Variants in SLC25A21 observed in about 807,000 individuals in gnomAD.
SLC25A21 encodes solute carrier family 25 member 21.
In SLC25A21, 47 loss-of-function variants were observed where a neutral mutation model predicts 43.8. The observed-to-expected ratio is 1.07, with a 90% confidence interval of 0.85 to 1.37. The LOEUF is 1.37. SLC25A21 is among the 40% of genes most tolerant of loss of function. The pLI is 0.00. For missense variants in SLC25A21, 352 were observed against 350.2 expected, an observed-to-expected ratio of 1.00 and a Z score of -0.04; for synonymous variants, 131 against 121.3, an observed-to-expected ratio of 1.08 and a Z score of -0.52.
In SLC25A21 at chr14:36,966,895, A is replaced by G. The variant is rs112838240; in HGVS notation, c.71-91891T>C. Among the ~76,000 whole-genome samples, 375 of 152,216 alleles carry G rather than the reference A, an allele frequency of 2.5e-3. 1 individual carries two copies. Among genetic ancestry groups the G allele is most frequent in the Non-Finnish European group, 4.6e-3 (311 of 68,022 alleles). The stretch of plus-strand genomic sequence containing the variant: ...GAAGGGATTCTACAGGGAATGAAAA[A>G]TCTCTGAATTAGGCAGCAAAAGGAA... On this transcript the variant is annotated intron_variant, in intron 1 of 9. Transcript: ENST00000331299.
intron 1 of SLC25A21, among the ~76,000 whole-genome samples, chr14:36,875,463 A>T (rs712386): frequency 0.86 from 130,705 of 152,144 alleles, 56,834 homozygotes; most frequent in Non-Finnish European, 0.93. Context: ...GAAACAAAGA[A>T]AATGATGCCT....
At chr14:37,109,513 C>G (rs1161639236) in intron 1 of SLC25A21, among the ~76,000 whole-genome samples, 3 of 152,108 alleles carry the variant, frequency 2.0e-5, no homozygotes, top group African/African-American at 7.2e-5. Context: ...TCATGAGAAT[C>G]TGAAATACAA....
At chr14:36,893,899 A>C (rs1159557791) in intron 1 of SLC25A21, among the ~76,000 whole-genome samples, 1 of 152,052 alleles carries the variant, frequency 6.6e-6, no homozygotes, top group Non-Finnish European at 1.5e-5. Flanking sequence ...ATTGGTATAT[A>C]TCTCTGTTTT....
chr14:36,805,149 C>G (rs776112858), intron 3 of SLC25A21, among the ~76,000 whole-genome samples: 11 of 152,178 alleles, frequency 7.2e-5, no homozygotes, highest in Admixed American at 3.3e-4. Flanking sequence ...CTTGTCAGCA[C>G]CACACGCTGA....
At chr14:36,820,090 T>C (rs1250997032) in intron 2 of SLC25A21, among the ~76,000 whole-genome samples, 1 of 152,076 alleles carries the variant, frequency 6.6e-6, no homozygotes, top group East Asian at 1.9e-4. Flanking sequence ...GGGAAGCCAT[T>C]CCAAGCCACC....
At chr14:36,940,549 C>T (rs1413565645) in intron 1 of SLC25A21, among the ~76,000 whole-genome samples, 5 of 151,940 alleles carry the variant, frequency 3.3e-5, no homozygotes, top group Non-Finnish European at 5.9e-5. Context: ...CCTTTAATTG[C>T]CATATATAGT....
intron 3 of SLC25A21, among the ~76,000 whole-genome samples, chr14:36,793,612 G>A (rs1887569398): frequency 6.6e-6 from 1 of 151,366 alleles, no homozygotes; most frequent in Non-Finnish European, 1.5e-5. Flanking sequence ...GAGTTAAGGA[G>A]GACAAGCACA....
At chr14:36,897,977 G>C (rs1891291965) in intron 1 of SLC25A21, among the ~76,000 whole-genome samples, 2 of 152,190 alleles carry the variant, frequency 1.3e-5, no homozygotes, top group African/African-American at 4.8e-5. Context: ...GCTACTTTGG[G>C]GTCAGGGACC....
chr14:37,064,368 A>G (rs1489417532), intron 1 of SLC25A21, among the ~76,000 whole-genome samples: 2 of 151,846 alleles, frequency 1.3e-5, no homozygotes, highest in Non-Finnish European at 2.9e-5. Context: ...CTATCGTGGG[A>G]CTTCTCAGCC....
At chr14:37,008,744 G>A (rs1032652061) in intron 1 of SLC25A21, among the ~76,000 whole-genome samples, 1 of 151,380 alleles carries the variant, frequency 6.6e-6, no homozygotes, top group South Asian at 2.1e-4. Context: ...CTGATTTTTT[G>A]TTCCTTTTTA....
At chr14:36,706,229 A>G (rs1265844280) in intron 7 of SLC25A21, among the ~76,000 whole-genome samples, 1 of 152,184 alleles carries the variant, frequency 6.6e-6, no homozygotes, top group Non-Finnish European at 1.5e-5. Flanking sequence ...TCATCACATC[A>G]TCGGGACCAT....
chr14:36,797,140 T>C (rs1291415902), intron 3 of SLC25A21, among the ~76,000 whole-genome samples: 1 of 152,210 alleles, frequency 6.6e-6, no homozygotes, highest in Non-Finnish European at 1.5e-5. Flanking sequence ...ATATTAGTGG[T>C]AATTATAACT....
intron 1 of SLC25A21, among the ~76,000 whole-genome samples, chr14:36,969,078 T>C (rs1364099580): frequency 6.6e-6 from 1 of 152,360 alleles, no homozygotes; most frequent in East Asian, 1.9e-4. Flanking sequence ...ATAAGCACTT[T>C]GGAAATTAAT....
chr14:36,682,852 A>T (rs1351350504), intron 9 of SLC25A21, among the ~76,000 whole-genome samples: 2 of 152,176 alleles, frequency 1.3e-5, no homozygotes, highest in African/African-American at 2.4e-5. Flanking sequence ...AAATATATGA[A>T]AGTGTGAGCT....
chr14:36,695,761 T>C (rs913360812), intron 7 of SLC25A21, among the ~76,000 whole-genome samples: 1 of 152,250 alleles, frequency 6.6e-6, no homozygotes, highest in Non-Finnish European at 1.5e-5. Flanking sequence ...TGATTTTGTA[T>C]CCTGAGACTT....
At chr14:36,697,816 T>A (rs1251641164) in intron 7 of SLC25A21, among the ~76,000 whole-genome samples, 1 of 141,336 alleles carries the variant, frequency 7.1e-6, no homozygotes, top group South Asian at 2.3e-4. Flanking sequence ...TCTTTGCATG[T>A]GAGATGGGTC....
chr14:37,032,528 A>G (rs892192819), intron 1 of SLC25A21, among the ~76,000 whole-genome samples: 2 of 151,956 alleles, frequency 1.3e-5, no homozygotes, highest in African/African-American at 2.4e-5. Flanking sequence ...AGAGCAAGAC[A>G]CTGTCTCAAC....
chr14:37,135,023 G>C lies in SLC25A21; in HGVS notation c.70+37258C>G, dbSNP rs543543373. Among the ~76,000 whole-genome samples, 46 of 151,840 alleles carry C rather than the reference G, an allele frequency of 3.0e-4. No homozygotes were observed. The East Asian group carries it at 8.4e-3, about 28-fold the overall frequency. On this transcript the variant is annotated intron_variant, in intron 1 of 9. Transcript: ENST00000331299. ...GCTCACTGCAGCCTCCACCTCACAG[G>C]TTCAAGCGATTCTCCTGCCTCAGCC...
At chr14:37,017,408 A>G (rs991147570) in intron 1 of SLC25A21, among the ~76,000 whole-genome samples, 1 of 152,112 alleles carries the variant, frequency 6.6e-6, no homozygotes, top group Non-Finnish European at 1.5e-5. Flanking sequence ...TCACTGTTTT[A>G]CATGTACATG....
Sources: allele counts gnomAD v4.1 joint callset (sites outside exome capture counted in the v4.1 genomes callset), GRCh38; gene constraint gnomAD v4.1.1; transcripts MANE v1.5; gene names NCBI Gene and HGNC (gene_info 2026-07-23, HGNC 2026-07-21).